Variants in GLDN observed in about 807,000 individuals in gnomAD.
The protein encoded by GLDN is gliomedin, also known as collomin.
Under a neutral mutation model 56.5 loss-of-function variants are expected in GLDN, and 47 were observed. That is an observed-to-expected ratio of 0.83 (90% CI 0.66 to 1.06). The LOEUF (loss-of-function observed/expected upper bound fraction) is 1.06, where lower values mean the gene tolerates loss of function less well. Ranked by LOEUF, GLDN falls within the 50% of genes least tolerant of loss-of-function variation. The pLI is 0.00. For missense variants in GLDN, 782 were observed against 714.3 expected (o/e 1.09, Z -1.08); for synonymous variants, 332 against 278.8 (o/e 1.19, Z -1.90).
chr15:51,388,354 C>G (rs1486174125), intron 4 of GLDN, among the ~76,000 whole-genome samples: 1 of 152,098 alleles, frequency 6.6e-6, no homozygotes, highest in Non-Finnish European at 1.5e-5. Context: ...ATGGTGTGAC[C>G]TCCCAAGTGG....
chr15:51,361,144 C>CCA (rs1261412505), intron 1 of GLDN, among the ~76,000 whole-genome samples: 1 of 152,210 alleles, frequency 6.6e-6, no homozygotes, highest in Non-Finnish European at 1.5e-5. Flanking sequence ...CTTAGAAACT[C>CCA]CATTAGAGGC....
rs1445088923 is a variant in GLDN, at chr15:51,404,290, C to T, written c.1192C>T (p.Gln398Ter). 6.3e-7 allele frequency: 1 copy of T among 1,589,682 alleles called. No homozygotes were observed. Among genetic ancestry groups the T allele is most frequent in the Non-Finnish European group, 8.5e-7 (1 of 1,169,932 alleles). ...SNTLVRFEFG[Q>*]ETSQTLKLEN... ...TGCATATTTCAGATTTGAATTTGGC[C>T]AGGAAACATCCCAAACTCTGAAGCT... Residue 398 changes from glutamine (Q) to a stop codon, truncating the protein, a stop_gained, in exon 10 of 10, where the codon CAG becomes TAG. Coordinates refer to ENST00000335449, the MANE Select transcript of GLDN (RefSeq NM_181789.4). LOFTEE classifies it high-confidence loss of function.
chr15:51,411,351 C>T (rs2038463254), downstream of GLDN, among the ~76,000 whole-genome samples: 1 of 152,174 alleles, frequency 6.6e-6, no homozygotes, highest in African/African-American at 2.4e-5. Context: ...AAAAGAAGAC[C>T]TGCTATGCCA....
At chr15:51,350,723 C>T (rs1401730615) in intron 1 of GLDN, among the ~76,000 whole-genome samples, 1 of 152,192 alleles carries the variant, frequency 6.6e-6, no homozygotes, top group Non-Finnish European at 1.5e-5. Flanking sequence ...CCCTGAGATC[C>T]ATTGCATACA....
intron 1 of GLDN, among the ~76,000 whole-genome samples, chr15:51,372,539 T>A (rs1451968250): frequency 6.6e-6 from 1 of 152,232 alleles, no homozygotes; most frequent in Admixed American, 6.5e-5. Flanking sequence ...TGCACTCAGG[T>A]TGACAGCCCA....
chr15:51,370,557 C>T (rs12438195), intron 1 of GLDN, among the ~76,000 whole-genome samples: 19,864 of 151,838 alleles, frequency 0.13, 2,591 homozygotes, highest in African/African-American at 0.34. Flanking sequence ...TGGGGGTAAT[C>T]GTGAGAACAT....
chr15:51,399,116 T>G (rs1304339865), intron 6 of GLDN, among the ~76,000 whole-genome samples: 1 of 152,114 alleles, frequency 6.6e-6, no homozygotes. Context: ...GTTCCCTAAG[T>G]GGAAACCCCA....
chr15:51,396,259 T>C (rs2038126915), intron 5 of GLDN, among the ~76,000 whole-genome samples: 1 of 152,170 alleles, frequency 6.6e-6, no homozygotes, highest in Non-Finnish European at 1.5e-5. Flanking sequence ...AAGCTCTGGG[T>C]TGGCAACTCC....
intron 1 of GLDN, among the ~76,000 whole-genome samples, chr15:51,347,559 A>G (rs1270177393): frequency 6.6e-6 from 1 of 152,210 alleles, no homozygotes; most frequent in African/African-American, 2.4e-5. Flanking sequence ...AAAACTACAA[A>G]AGTTTGACAA....
rs74016740 is a variant in GLDN at position 51,388,808 on chromosome 15, G to A, written c.541+4916G>A. Among the ~76,000 whole-genome samples, 404 of 152,342 alleles carry A rather than the reference G, an allele frequency of 2.7e-3. 2 individuals carry two copies. The highest frequency in any genetic ancestry group is 9.4e-3 in the African/African-American group (390 of 41,580). On this transcript the variant is annotated intron_variant, in intron 4 of 9. Transcript: ENST00000335449. ...TTATTGGAGGTGCCGAAGAGCAAGA[G>A]CGAACAGGAAAGAAGCCTGGGCCCT...
Position 51,405,061 on chromosome 15 carries a change from G to T in GLDN, c.*307G>T. 1 of 259,430 alleles carries T rather than the reference G, an allele frequency of 3.9e-6. No individual in the cohort carries two copies. Among genetic ancestry groups the T allele is most frequent in the East Asian group, 9.4e-5 (1 of 10,592 alleles). The allele number at this position is 259,430 out of a possible 1,614,324, so 16.1% of individuals were successfully genotyped here. On this transcript the variant is annotated 3_prime_UTR_variant, in exon 10 of 10. Transcript: ENST00000335449. ...ATTTTCTGTACCTGTAGGTAATTTG[G>T]TGATTCTTGGTGGCTGCTCTTCTCA...
intron 1 of GLDN, among the ~76,000 whole-genome samples, chr15:51,355,945 C>A (rs575052094): frequency 1.0e-4 from 15 of 150,658 alleles, no homozygotes; most frequent in Non-Finnish European, 1.8e-4. Context: ...TGGTGGCTCA[C>A]GCCTGTAATC....
intron 4 of GLDN, among the ~76,000 whole-genome samples, chr15:51,394,235 C>T (rs2038076989): frequency 6.6e-6 from 1 of 152,226 alleles, no homozygotes; most frequent in Admixed American, 6.5e-5. Context: ...GCCTTCCTTA[C>T]CTTCTTTCCA....
chr15:51,395,886 G>A (rs1056138117), intron 5 of GLDN, among the ~76,000 whole-genome samples: 1 of 152,162 alleles, frequency 6.6e-6, no homozygotes, highest in Non-Finnish European at 1.5e-5. Context: ...GGGGGAGCAG[G>A]TACATCACAT....
intron 9 of GLDN, among the ~76,000 whole-genome samples, chr15:51,403,069 A>G (rs1046077374): frequency 6.6e-6 from 1 of 152,216 alleles, no homozygotes; most frequent in African/African-American, 2.4e-5. Context: ...GATAACCCCC[A>G]TAGTGAGAAC....
chr15:51,362,605 C>T (rs1278928254), intron 1 of GLDN, among the ~76,000 whole-genome samples: 1 of 151,686 alleles, frequency 6.6e-6, no homozygotes, highest in Non-Finnish European at 1.5e-5. Context: ...AGGACATTGG[C>T]TTTTATGGGG....
At chr15:51,399,296 C>T (rs1272827217) in intron 6 of GLDN, among the ~76,000 whole-genome samples, 1 of 152,134 alleles carries the variant, frequency 6.6e-6, no homozygotes, top group Non-Finnish European at 1.5e-5. Context: ...TAAAGGAGCC[C>T]TTCAGATTAC....
intron 1 of GLDN, among the ~76,000 whole-genome samples, chr15:51,366,011 C>G (rs1040131113): frequency 2.6e-5 from 4 of 152,200 alleles, no homozygotes; most frequent in African/African-American, 9.7e-5. Flanking sequence ...TACCAAACAA[C>G]TTCTTAAAAA....
intron 4 of GLDN, among the ~76,000 whole-genome samples, 194 bp from the exon 5 acceptor site, chr15:51,394,641 A>G (rs1307256026): frequency 6.6e-6 from 1 of 152,074 alleles, no homozygotes; most frequent in African/African-American, 2.4e-5. Flanking sequence ...TAAATAAATA[A>G]TCCAGCAGAG....
Sources: allele counts gnomAD v4.1 joint callset (sites outside exome capture counted in the v4.1 genomes callset), GRCh38; gene constraint gnomAD v4.1.1; transcripts MANE v1.5; gene names NCBI Gene and HGNC (gene_info 2026-07-23, HGNC 2026-07-21).